Variants in ADAM22 observed in about 807,000 individuals in gnomAD.
ADAM22 encodes ADAM metallopeptidase domain 22.
ADAM22 carries 65 observed loss-of-function variants against 144.6 expected under a neutral mutation model. The observed-to-expected ratio is 0.45, with a 90% CI of 0.37 to 0.55. The LOEUF (loss-of-function observed/expected upper bound fraction) is 0.55. ADAM22 is among the 20% of genes least tolerant of loss of function. ADAM22 has a pLI of 0.00. For missense variants in ADAM22, 974 were observed against 1,184.9 expected (o/e 0.82, Z 2.61); for synonymous variants, 391 against 412.6 (o/e 0.95, Z 0.63).
chr7:88,173,222 A>G (rs1443111291), intron 26 of ADAM22, among the ~76,000 whole-genome samples: 1 of 152,050 alleles, frequency 6.6e-6, no homozygotes, highest in Non-Finnish European at 1.5e-5. Context: ...TTTTCACATG[A>G]AGAATCTCCT....
chr7:88,163,548 G>A (rs955686121), intron 23 of ADAM22, among the ~76,000 whole-genome samples: 2 of 151,966 alleles, frequency 1.3e-5, no homozygotes, highest in East Asian at 1.9e-4. Context: ...ATTTAAAAAC[G>A]ATGTGGTCTG....
chr7:88,072,448 G>T (rs1042018520), intron 3 of ADAM22, among the ~76,000 whole-genome samples: 1 of 152,164 alleles, frequency 6.6e-6, no homozygotes, highest in African/African-American at 2.4e-5. Flanking sequence ...CCTCTGAGGA[G>T]TATTTGACTT....
intron 2 of ADAM22, among the ~76,000 whole-genome samples, chr7:87,943,223 A>G (rs1205477895): frequency 6.6e-6 from 1 of 151,052 alleles, no homozygotes; most frequent in African/African-American, 2.4e-5. Context: ...TGAGTGATTT[A>G]CATGCATTAT....
In ADAM22 at chr7:87,950,772, T is replaced by C. The variant is rs559733007; in HGVS notation, c.246+15586T>C. ...TCCCACCAACAGTGTAAAAGTGTTCTTATTTCTCCACATCCTCTCCAGCAC... is the reference window on the plus strand; with the variant it reads ...TCCCACCAACAGTGTAAAAGTGTTCCTATTTCTCCACATCCTCTCCAGCAC... On this transcript the variant is annotated intron_variant, in intron 2 of 31. Coordinates refer to ENST00000413139, the MANE Select transcript of ADAM22 (RefSeq NM_001324418.2). Among the ~76,000 whole-genome samples, 156 of 148,512 alleles carry C rather than the reference T, an allele frequency of 1.1e-3. 1 individual carries two copies. Among genetic ancestry groups the C allele is most frequent in the Non-Finnish European group, 1.4e-3 (91 of 67,126 alleles).
intron 31 of ADAM22, 95 bp from the exon 32 acceptor site, chr7:88,196,376 A>G: frequency 7.2e-7 from 1 of 1,387,190 alleles, no homozygotes; most frequent in South Asian, 1.2e-5. Flanking sequence ...TCACATATAT[A>G]TGGATGGAAT....
chr7:87,953,059 A>T (rs886276707), intron 2 of ADAM22, among the ~76,000 whole-genome samples: 1 of 151,274 alleles, frequency 6.6e-6, no homozygotes, highest in African/African-American at 2.4e-5. Context: ...CTAGTGGTCT[A>T]TCAATTTTGT....
At chr7:87,983,664 A>G (rs1343867619) in intron 3 of ADAM22, among the ~76,000 whole-genome samples, 2 of 152,130 alleles carry the variant, frequency 1.3e-5, no homozygotes, top group African/African-American at 4.8e-5. Flanking sequence ...TCCTTTTTCT[A>G]GAAGTTTCTG....
At chr7:88,069,122 C>A (rs1169216140) in intron 3 of ADAM22, among the ~76,000 whole-genome samples, 1 of 151,430 alleles carries the variant, frequency 6.6e-6, no homozygotes, top group Non-Finnish European at 1.5e-5. Flanking sequence ...TCGCTCTCAC[C>A]CTCTCTTGTC....
chr7:88,049,829 T>G (rs1399650119), intron 3 of ADAM22, among the ~76,000 whole-genome samples: 1 of 151,216 alleles, frequency 6.6e-6, no homozygotes, highest in Non-Finnish European at 1.5e-5. Context: ...TTTTTTATTT[T>G]TGGTCAGCAG....
chr7:88,163,962 T>A (rs1842368436), intron 23 of ADAM22, among the ~76,000 whole-genome samples: 2 of 152,134 alleles, frequency 1.3e-5, no homozygotes, highest in African/African-American at 2.4e-5. Flanking sequence ...AGATAAAGGA[T>A]CCCTGTTTTG....
intron 3 of ADAM22, among the ~76,000 whole-genome samples, chr7:88,029,546 G>A (rs1049514018): frequency 4.6e-5 from 7 of 151,944 alleles, no homozygotes; most frequent in African/African-American, 1.7e-4. Context: ...GTTTTTCTGT[G>A]TACTTACTAT....
At chr7:88,023,600 A>G (rs899409693) in intron 3 of ADAM22, among the ~76,000 whole-genome samples, 2 of 152,204 alleles carry the variant, frequency 1.3e-5, no homozygotes, top group East Asian at 3.9e-4. Context: ...TTGCATTTTT[A>G]GTAGAGACTG....
intron 3 of ADAM22, among the ~76,000 whole-genome samples, chr7:88,053,460 A>T (rs763237426): frequency 4.6e-5 from 7 of 151,834 alleles, no homozygotes; most frequent in African/African-American, 1.7e-4. Context: ...CAGAGCAAGT[A>T]TCTCTCTCTC....
At chr7:88,167,450 T>C (rs1445935641) in intron 24 of ADAM22, among the ~76,000 whole-genome samples, 2 of 152,128 alleles carry the variant, frequency 1.3e-5, no homozygotes, top group African/African-American at 4.8e-5. Context: ...TGAGCTTCAA[T>C]CCCGCCCTGG....
rs989134479 is a variant in ADAM22, at chr7:88,100,429, G to T, written c.391-7747G>T. On this transcript the variant is annotated intron_variant, in intron 4 of 31. Transcript: ENST00000413139. ...CACTTAATTTTAATTTACTGTAAAT[G>T]AGAGGAAATAATCTTTTCACTTTTC... Among the ~76,000 whole-genome samples, 4 of 152,130 alleles carry T rather than the reference G, an allele frequency of 2.6e-5. No homozygotes were observed. In the East Asian group the frequency reaches 7.7e-4, roughly 29 times the overall value.
chr7:87,997,496 T>G (rs1341873448), intron 3 of ADAM22, among the ~76,000 whole-genome samples: 2 of 152,244 alleles, frequency 1.3e-5, no homozygotes, highest in Non-Finnish European at 2.9e-5. Context: ...TCTACGCTTC[T>G]TTGTAGAGGC....
At chr7:88,120,328 T>G (rs1229207933) in intron 7 of ADAM22, among the ~76,000 whole-genome samples, 1 of 148,136 alleles carries the variant, frequency 6.8e-6, no homozygotes. Flanking sequence ...CCCTCCCCCC[T>G]TCCCCCACCC....
intron 27 of ADAM22, among the ~76,000 whole-genome samples, chr7:88,180,849 A>G (rs1004815853): frequency 1.3e-5 from 2 of 152,074 alleles, no homozygotes; most frequent in African/African-American, 4.8e-5. Context: ...AGATGGTAGG[A>G]CACAAATAGC....
At chr7:88,186,806 A>T (rs575356654) in intron 30 of ADAM22, 105 bp downstream of exon 30, 3 of 713,482 alleles carry the variant, frequency 4.2e-6, no homozygotes, top group Non-Finnish European at 7.1e-6. Context: ...ACAAGTTCCT[A>T]TAGGTGGAAA....
Sources: gnomAD v4.1 joint callset for allele counts (sites outside exome capture counted in the v4.1 genomes callset) on GRCh38, gnomAD v4.1.1 for gene constraint, MANE v1.5 for transcripts, NCBI Gene and HGNC (gene_info 2026-07-23, HGNC 2026-07-21) for gene names.